The following MGMT variants were observed in gnomAD, a reference collection of about 807,000 sequenced individuals.
The protein encoded by MGMT is methylated-DNA--protein-cysteine methyltransferase.
MGMT carries 14 observed loss-of-function variants against 15.9 expected under a neutral mutation model. That is an observed-to-expected ratio of 0.88 (90% CI 0.58 to 1.37). The LOEUF is 1.37. Ranked by LOEUF, MGMT falls within the 40% of genes most tolerant of loss-of-function variation. The pLI is 0.00. For missense variants in MGMT, 282 were observed against 268.1 expected, an observed-to-expected ratio of 1.05 and a Z score of -0.36; for synonymous variants, 130 against 118.2, an observed-to-expected ratio of 1.10 and a Z score of -0.65.
intron 2 of MGMT, 35 bp downstream of exon 2, chr10:129,536,412 C>T (rs1370646612): frequency 6.3e-6 from 10 of 1,593,170 alleles, no homozygotes; most frequent in Non-Finnish European, 8.5e-6. Flanking sequence ...GTATACCGCA[C>T]ATGCTGAAGC....
intron 1 of MGMT, among the ~76,000 whole-genome samples, chr10:129,519,556 G>A (rs557384002): frequency 4.1e-4 from 62 of 152,282 alleles, no homozygotes; most frequent in African/African-American, 1.3e-3. Context: ...GTTCAGTGCC[G>A]TCAAGGCCCA....
At chr10:129,626,743 G>C (rs1847154648) in intron 2 of MGMT, among the ~76,000 whole-genome samples, 2 of 152,226 alleles carry the variant, frequency 1.3e-5, no homozygotes, top group African/African-American at 4.8e-5. Flanking sequence ...TAACACCGTG[G>C]TGAAGCGCCT....
intron 2 of MGMT, among the ~76,000 whole-genome samples, chr10:129,599,437 G>A (rs1469087683): frequency 6.6e-6 from 1 of 152,248 alleles, no homozygotes; most frequent in Non-Finnish European, 1.5e-5. Flanking sequence ...TTTTTAGAAT[G>A]TGGGATCCTG....
chr10:129,733,007 G>A (rs535182426), intron 3 of MGMT, among the ~76,000 whole-genome samples: 10 of 151,772 alleles, frequency 6.6e-5, no homozygotes, highest in African/African-American at 1.7e-4. Context: ...AAATAATGCC[G>A]CAATAAACAT....
At chr10:129,486,661 T>C (rs1028113512) in intron 1 of MGMT, among the ~76,000 whole-genome samples, 1 of 151,190 alleles carries the variant, frequency 6.6e-6, no homozygotes, top group African/African-American at 2.4e-5. Flanking sequence ...GTATTTCTAC[T>C]CTGAAGAAGG....
chr10:129,657,536 G>A (rs1283042812), intron 2 of MGMT, among the ~76,000 whole-genome samples: 1 of 151,726 alleles, frequency 6.6e-6, no homozygotes, highest in Non-Finnish European at 1.5e-5. Flanking sequence ...GTCAGGTGCT[G>A]GTCAGTGTCT....
At chr10:129,687,335 C>T (rs1176404945) in intron 2 of MGMT, among the ~76,000 whole-genome samples, 4 of 152,074 alleles carry the variant, frequency 2.6e-5, no homozygotes, top group South Asian at 2.1e-4. Flanking sequence ...TCTCATAGCC[C>T]GACGTATCAC....
intron 3 of MGMT, among the ~76,000 whole-genome samples, chr10:129,714,601 C>T (rs960610528): frequency 2.0e-5 from 3 of 152,150 alleles, no homozygotes; most frequent in African/African-American, 7.2e-5. Flanking sequence ...AGCATGGGCA[C>T]ACGCACACAC....
At chr10:129,665,318 C>G (rs905362860) in intron 2 of MGMT, among the ~76,000 whole-genome samples, 1 of 148,822 alleles carries the variant, frequency 6.7e-6, no homozygotes, top group South Asian at 2.2e-4. Context: ...CTCTCTCTCT[C>G]TAACTCAGAA....
intron 3 of MGMT, among the ~76,000 whole-genome samples, chr10:129,734,451 A>G (rs1306141570): frequency 1.3e-5 from 2 of 150,820 alleles, no homozygotes; most frequent in Admixed American, 6.7e-5. Flanking sequence ...CAGCTTAAGG[A>G]GATTTTGGGC....
intron 3 of MGMT, chr10:129,717,910 T>A (rs1311574058): frequency 1.3e-5 from 2 of 152,232 alleles, no homozygotes; most frequent in African/African-American, 4.8e-5. Context: ...CTTACCAGTG[T>A]TAGGGTTGAC....
intron 1 of MGMT, among the ~76,000 whole-genome samples, chr10:129,531,235 G>A (rs902730242): frequency 1.3e-5 from 2 of 152,124 alleles, no homozygotes; most frequent in Admixed American, 1.3e-4. Context: ...CTGGGGCATG[G>A]CGGTATTACT....
intron 2 of MGMT, among the ~76,000 whole-genome samples, chr10:129,627,597 C>G (rs1306328310): frequency 6.6e-6 from 1 of 152,192 alleles, no homozygotes; most frequent in South Asian, 2.1e-4. Context: ...ACTGAGGGTC[C>G]TCACCAACAC....
intron 1 of MGMT, among the ~76,000 whole-genome samples, chr10:129,495,876 T>C (rs1440981949): frequency 6.6e-6 from 1 of 152,184 alleles, no homozygotes; most frequent in Non-Finnish European, 1.5e-5. Context: ...GTAATGACAT[T>C]CCCAGAGCAT....
At chr10:129,679,956 G>A (rs1164303859) in intron 2 of MGMT, among the ~76,000 whole-genome samples, 1 of 152,110 alleles carries the variant, frequency 6.6e-6, no homozygotes, top group African/African-American at 2.4e-5. Context: ...ATCATTCCAC[G>A]CTCCGTTATA....
At chr10:129,516,029 T>G (rs925555895) in intron 1 of MGMT, among the ~76,000 whole-genome samples, 36 of 152,336 alleles carry the variant, frequency 2.4e-4, no homozygotes, top group African/African-American at 8.2e-4. Flanking sequence ...GTCTACAGGT[T>G]TGGGTGTGAG....
At chr10:129,703,396 T>C (rs1322871291) in intron 2 of MGMT, among the ~76,000 whole-genome samples, 1 of 152,142 alleles carries the variant, frequency 6.6e-6, no homozygotes, top group Non-Finnish European at 1.5e-5. Flanking sequence ...TCAGGGGTGA[T>C]GAAGGAATCC....
At chr10:129,688,350 C>T (rs540896984) in intron 2 of MGMT, among the ~76,000 whole-genome samples, 82 of 152,336 alleles carry the variant, frequency 5.4e-4, no homozygotes, top group African/African-American at 1.9e-3. Flanking sequence ...TCTCCAGCAC[C>T]TGTTGTTTCC....
chr10:129,513,912 A>G (rs1211367293), intron 1 of MGMT, among the ~76,000 whole-genome samples: 1 of 152,226 alleles, frequency 6.6e-6, no homozygotes, highest in Non-Finnish European at 1.5e-5. Flanking sequence ...TCTCTAAAAA[A>G]CGTTTACAAA....
Sources: gnomAD v4.1 joint callset for allele counts (sites outside exome capture counted in the v4.1 genomes callset) on GRCh38, gnomAD v4.1.1 for gene constraint, MANE v1.5 for transcripts, NCBI Gene and HGNC (gene_info 2026-07-23, HGNC 2026-07-21) for gene names.